Variants in FNBP1 observed in about 807,000 individuals in gnomAD.
The protein encoded by FNBP1 is formin binding protein 1.
Under a neutral mutation model 90.6 loss-of-function variants are expected in FNBP1, and 26 were observed. The observed-to-expected ratio is 0.29, with a 90% confidence interval of 0.21 to 0.40. FNBP1 has a LOEUF of 0.40. FNBP1 is among the 10% of genes least tolerant of loss of function. The probability of loss-of-function intolerance (pLI) is 1.00; values close to 1 mark genes in which losing one functional copy is unlikely to be tolerated. For missense variants in FNBP1, 635 were observed against 768.0 expected (o/e 0.83, Z 2.05); for synonymous variants, 260 against 265.2 (o/e 0.98, Z 0.19).
chr9:129,997,890 T>A (rs1470893872), intron 1 of FNBP1, among the ~76,000 whole-genome samples: 1 of 151,850 alleles, frequency 6.6e-6, no homozygotes, highest in Non-Finnish European at 1.5e-5. Context: ...TTCCTTTATT[T>A]AAAAGCCCTC....
chr9:129,965,373 T>C (rs2048396940), intron 4 of FNBP1, among the ~76,000 whole-genome samples: 1 of 152,198 alleles, frequency 6.6e-6, no homozygotes, highest in Non-Finnish European at 1.5e-5. Context: ...GCTCAGTTGC[T>C]TGACTTTACC....
rs1564239152 is a variant in FNBP1 at position 129,890,133 on chromosome 9, C to T, written c.*406G>A. ...TCCGCCTGATGTGCGCTGGACCTGC[C>T]TTGTCTCCTCAGGGGACCCGTGATG... On this transcript the variant is annotated 3_prime_UTR_variant, in exon 17 of 17. Coordinates refer to ENST00000446176, the MANE Select transcript of FNBP1 (RefSeq NM_015033.3). The surrounding 1 kb of genome is among the most constrained non-coding windows in gnomAD (Gnocchi z 5.8). 1 of 327,382 alleles carries T rather than the reference C, an allele frequency of 3.1e-6. No homozygotes were observed. The highest frequency in any genetic ancestry group is 5.7e-6 in the Non-Finnish European group (1 of 176,144). 20.3% of individuals were successfully genotyped at this position (327,382 alleles called of 1,614,324 possible).
chr9:129,955,007 A>AG (rs2046705191), intron 6 of FNBP1, among the ~76,000 whole-genome samples: 1 of 152,044 alleles, frequency 6.6e-6, no homozygotes, highest in African/African-American at 2.4e-5. Flanking sequence ...AAAAAAAAAA[A>AG]TCATTCTTAA....
chr9:130,034,369 G>C (rs990140761), intron 1 of FNBP1, among the ~76,000 whole-genome samples: 1 of 151,252 alleles, frequency 6.6e-6, no homozygotes, highest in Admixed American at 6.6e-5. Context: ...TGTGGTCCCA[G>C]CTAATCAGGA....
intron 15 of FNBP1, 42 bp from the exon 16 acceptor site, chr9:129,896,038 T>C (rs972657521): frequency 3.2e-6 from 5 of 1,549,656 alleles, no homozygotes; most frequent in Non-Finnish European, 4.3e-6. Flanking sequence ...TCTTGGCAAA[T>C]GCAGGGAGGA....
intron 1 of FNBP1, among the ~76,000 whole-genome samples, chr9:130,019,043 G>A (rs927836784): frequency 3.9e-5 from 6 of 152,052 alleles, no homozygotes; most frequent in Non-Finnish European, 7.4e-5. Context: ...TGGGCAATAT[G>A]GTGAAACCCT....
chr9:129,998,818 AAT>A (rs2054402300), intron 1 of FNBP1, among the ~76,000 whole-genome samples: 2 of 152,232 alleles, frequency 1.3e-5, no homozygotes, highest in African/African-American at 2.4e-5. Flanking sequence ...TCAATCCAAC[AAT>A]ATGTTTTCCA....
chr9:130,030,107 G>C (rs1393212247), intron 1 of FNBP1, among the ~76,000 whole-genome samples: 1 of 152,022 alleles, frequency 6.6e-6, no homozygotes, highest in Non-Finnish European at 1.5e-5. Flanking sequence ...TATAATCGCA[G>C]GCATGAAAGA....
At chr9:129,993,649 G>A (rs113455897) in intron 2 of FNBP1, among the ~76,000 whole-genome samples, 1,810 of 133,108 alleles carry the variant, frequency 0.014, 16 homozygotes, top group Middle Eastern at 0.032. Context: ...TTTTGAGAAG[G>A]AGTCTTACTC....
intron 3 of FNBP1, among the ~76,000 whole-genome samples, chr9:129,978,975 G>A (rs1175804684): frequency 6.6e-6 from 1 of 152,146 alleles, no homozygotes; most frequent in Non-Finnish European, 1.5e-5. Flanking sequence ...CTTAATTGCT[G>A]ACTGAAATTG....
At chr9:129,954,158 AT>A (rs2046586492) in intron 6 of FNBP1, among the ~76,000 whole-genome samples, 1 of 152,158 alleles carries the variant, frequency 6.6e-6, no homozygotes, top group Non-Finnish European at 1.5e-5. Context: ...AGAACATATT[AT>A]GGGCAACTTT....
intron 2 of FNBP1, among the ~76,000 whole-genome samples, chr9:129,986,682 C>G (rs1325740027): frequency 1.3e-5 from 2 of 151,522 alleles, no homozygotes; most frequent in East Asian, 3.9e-4. Context: ...CCCAGCTACT[C>G]GGGAGGCTGA....
chr9:130,039,845 T>C (rs924789010), intron 1 of FNBP1, among the ~76,000 whole-genome samples: 1 of 152,214 alleles, frequency 6.6e-6, no homozygotes, highest in South Asian at 2.1e-4. Context: ...AAAGCCTATA[T>C]TGATTTTAAC....
Position 129,907,585 on chromosome 9 carries a change from GT to G in FNBP1, c.1295+1304del, listed in dbSNP as rs2038366893. 1.5e-3 allele frequency among the ~76,000 whole-genome samples: 4 copies of G among 2,730 alleles called. No homozygotes were observed. The Admixed American group carries it at 0.021, about 15-fold the overall frequency. The allele number at this position is 2,730 out of a possible 152,430, so 1.8% of individuals were successfully genotyped here. ...TAGCTCTTGCTAGGAGTGAGGGTGTGTGTGTGTGTGTGTGTGTGTGTGTGTG... is the reference window on the plus strand; with the variant it reads ...TAGCTCTTGCTAGGAGTGAGGGTGTGGTGTGTGTGTGTGTGTGTGTGTGTG... On this transcript the variant is annotated intron_variant, in intron 12 of 16. Coordinates refer to ENST00000446176, the MANE Select transcript of FNBP1 (RefSeq NM_015033.3).
At chr9:129,923,734 A>G in intron 10 of FNBP1, 110 bp downstream of exon 10, 2 of 1,055,428 alleles carry the variant, frequency 1.9e-6, no homozygotes, top group South Asian at 3.6e-5. Flanking sequence ...TAACTTTTTT[A>G]TATGTTATGG....
chr9:129,923,287 C>T (rs571484174), intron 10 of FNBP1, among the ~76,000 whole-genome samples: 1 of 151,552 alleles, frequency 6.6e-6, no homozygotes, highest in Non-Finnish European at 1.5e-5. Flanking sequence ...GTACTAGAAA[C>T]GAAAAGAAAA....
At position 129,966,558 on chromosome 9, in the gene FNBP1, G is replaced by A. The variant is rs184258064; in HGVS notation, c.346-8005C>T. 2.4e-3 allele frequency among the ~76,000 whole-genome samples: 372 copies of A among 152,110 alleles called. 2 individuals carry two copies. The highest frequency in any genetic ancestry group is 7.1e-3 in the South Asian group (34 of 4,818). On this transcript the variant is annotated intron_variant, in intron 4 of 16. Transcript: ENST00000446176. The surrounding 1 kb of genome is among the most constrained non-coding windows in gnomAD (Gnocchi z 4.3). Reference sequence around the variant, plus strand: ...AGCCTGGCCAACATGATGAAATGCCGTCTCTACTAAAAATACAAAAAAAAT... The same window carrying A: ...AGCCTGGCCAACATGATGAAATGCCATCTCTACTAAAAATACAAAAAAAAT...
intron 4 of FNBP1, among the ~76,000 whole-genome samples, chr9:129,963,685 G>A (rs1969754): frequency 0.95 from 141,300 of 148,724 alleles, 67,296 homozygotes; most frequent in East Asian, 0.99. Context: ...CACAATCTCG[G>A]CTCACTGCAA....
chr9:129,969,445 CAACT>C (rs140119633), intron 4 of FNBP1, among the ~76,000 whole-genome samples: 19 of 152,294 alleles, frequency 1.2e-4, no homozygotes, highest in East Asian at 9.6e-4. Context: ...ATTGTTTACA[CAACT>C]AACTAAGTAA....
Sources: allele counts gnomAD v4.1 joint callset (sites outside exome capture counted in the v4.1 genomes callset), GRCh38; gene constraint gnomAD v4.1.1; non-coding constraint Gnocchi (gnomAD v3.1); transcripts MANE v1.5; gene names NCBI Gene and HGNC (gene_info 2026-07-23, HGNC 2026-07-21).